The following GK2 variants were observed in gnomAD, a reference collection of about 807,000 sequenced individuals.
The protein encoded by GK2 is ATP:glycerol 3-phosphotransferase 2.
GK2 carries 10 observed loss-of-function variants against 9.5 expected under a neutral mutation model. That is an observed-to-expected ratio of 1.05 (90% CI 0.65 to 1.78). The LOEUF (loss-of-function observed/expected upper bound fraction) is 1.78. Ranked by LOEUF, GK2 falls within the 40% of genes most tolerant of loss-of-function variation. The pLI is 0.00. For missense variants in GK2, 643 were observed against 669.0 expected, an observed-to-expected ratio of 0.96 and a Z score of 0.43; for synonymous variants, 228 against 229.9, an observed-to-expected ratio of 0.99 and a Z score of 0.07.
In GK2 at chr4:79,406,725, C is replaced by T. The variant is rs746526407; in HGVS notation, c.1476G>A (p.Gln492=). ...LRMERFEPQI[Q]ATESEIRYAT... Reference sequence around the variant, plus strand: ...CATAACGAATTTCACTTTCTGTGGCCTGGATCTGTGGTTCAAATCGTTCCA... The same window carrying T: ...CATAACGAATTTCACTTTCTGTGGCTTGGATCTGTGGTTCAAATCGTTCCA... The change falls in exon 1 of 1, where the codon CAG becomes CAA. Residue 492 remains glutamine, a synonymous_variant. Transcript: ENST00000358842. 7.4e-6 allele frequency: 12 copies of T among 1,614,078 alleles called. No homozygotes were observed. Among genetic ancestry groups the T allele is most frequent in the Non-Finnish European group, 1.0e-5 (12 of 1,180,050 alleles).
Position 79,406,913 on chromosome 4 carries a change from T to TG in GK2, c.1287dup (p.Asn430GlnfsTer24). The TG allele has an allele frequency of 6.2e-7, 1 of 1,614,252 alleles. No individual in the cohort carries two copies. The highest frequency in any genetic ancestry group is 8.5e-7 in the Non-Finnish European group (1 of 1,180,036). On this transcript the variant is annotated frameshift_variant, in exon 1 of 1. Transcript: ENST00000358842. LOFTEE classifies it low-confidence loss of function (END_TRUNC). ...TGTAGCTGCATAAGAACTTTGTTGT[T>TG]GGTCATTCCTCCATCTACCTGCAAA... is the stretch of plus-strand genomic sequence containing the variant.
chr4:79,407,712 G>T lies in GK2; in HGVS notation c.489C>A (p.Asn163Lys). The T allele has an allele frequency of 6.2e-7, 1 of 1,614,162 alleles. No homozygotes were observed. Among genetic ancestry groups the T allele is most frequent in the Non-Finnish European group, 8.5e-7 (1 of 1,180,002 alleles). The change falls in exon 1 of 1, where the codon AAC (asparagine) becomes AAA (lysine). Residue 163 changes from asparagine to lysine, a missense_variant. Physicochemically the swap from Asn to Lys is moderately conservative, Grantham distance 94. Coordinates refer to ENST00000358842, the MANE Select transcript of GK2 (RefSeq NM_033214.3). ...TACCTTCTTCAACAGCCTTTTGGAC[G>T]TTTCTCACATTGTCAAGCATCCAAC... is the stretch of plus-strand genomic sequence containing the variant. ...KLRWMLDNVR[N>K]VQKAVEEGRA...
Position 79,407,307 on chromosome 4 carries a change from A to G in GK2, c.894T>C (p.His298=). The change falls in exon 1 of 1, where the codon CAT becomes CAC. Residue 298 remains histidine (H), a synonymous_variant. Coordinates refer to ENST00000358842, the MANE Select transcript of GK2 (RefSeq NM_033214.3). ...NTGRKCVFSE[H]GLLTTVAYKL... ...TGTAAGCTACTGTGGTCAAAAGGCC[A>G]TGTTCAGAAAACACACATTTACGAC... The G allele has an allele frequency of 6.2e-7, 1 of 1,614,236 alleles. No individual in the cohort carries two copies. Among genetic ancestry groups the G allele is most frequent in the Non-Finnish European group, 8.5e-7 (1 of 1,180,046 alleles).
rs778084800 is a variant in GK2 at position 79,408,131 on chromosome 4, G to A, written c.70C>T (p.Arg24Cys). ...GTTTTTGAATTGAAAACCAGAAAGC[G>A]AGTGGAGTTGGTGCCCTGGACCACC... The part of the protein sequence containing the change: ...GAVVQGTNST[R>C]FLVFNSKTAE... The change falls in exon 1 of 1, where the codon CGC becomes TGC. Residue 24 changes from arginine to cysteine, a missense_variant. Physicochemically the swap from Arg to Cys is radical, Grantham distance 180. Coordinates refer to ENST00000358842, the MANE Select transcript of GK2 (RefSeq NM_033214.3). The A allele has an allele frequency of 6.2e-7, 1 of 1,613,720 alleles. No homozygotes were observed. Among genetic ancestry groups the A allele is most frequent in the Non-Finnish European group, 8.5e-7 (1 of 1,179,766 alleles).
At position 79,407,604 on chromosome 4, in the gene GK2, T is replaced by A. The variant is rs1182898664; in HGVS notation, c.597A>T (p.Val199=). ...GVNGGVHCTD[V]TNASRTMLFN... is the part of the protein sequence containing the mutation. ...AAAGCATTGTCCTACTTGCATTTGT[T>A]ACATCTGTACAATGCACGCCTCCAT... Residue 199 remains valine, a synonymous_variant, in exon 1 of 1, where the codon GTA becomes GTT. Coordinates refer to ENST00000358842, the MANE Select transcript of GK2 (RefSeq NM_033214.3). 6.2e-7 allele frequency: 1 copy of A among 1,613,778 alleles called. No individual in the cohort carries two copies. The highest frequency in any genetic ancestry group is 1.7e-5 in the Admixed American group (1 of 60,030).
rs200048190 is a variant in GK2 at position 79,407,487 on chromosome 4, C to T, written c.714G>A (p.Glu238=). ...DLLPNVFSSS[E]IYGLIKTGAL... The stretch of plus-strand genomic sequence containing the variant: ...CTCCAGTTTTAATTAGGCCATAGAT[C>T]TCAGAAGAACTGAAGACATTTGGAA... Residue 238 remains glutamate, a synonymous_variant, in exon 1 of 1, where the codon GAG becomes GAA. Transcript: ENST00000358842. 26 of 1,614,142 alleles carry T rather than the reference C, an allele frequency of 1.6e-5. No homozygotes were observed. In the Middle Eastern group the frequency reaches 6.6e-4, roughly 41 times the overall value.
chr4:79,408,152 C>G lies in GK2; in HGVS notation c.49G>C (p.Val17Leu), dbSNP rs889496823. ...AAGCGAGTGGAGTTGGTGCCCTGGACCACCGCTCCCACCAACGGCCCCACA... is the reference window on the plus strand; with the variant it reads ...AAGCGAGTGGAGTTGGTGCCCTGGAGCACCGCTCCCACCAACGGCCCCACA... ...AAVGPLVGAV[V>L]QGTNSTRFLV... Residue 17 changes from valine (V) to leucine (L), a missense_variant, in exon 1 of 1, where the codon GTC becomes CTC. By Grantham distance (32) the Val-to-Leu change is conservative. Transcript: ENST00000358842. The G allele has an allele frequency of 3.1e-6, 5 of 1,610,470 alleles. No individual in the cohort carries two copies. The highest frequency in any genetic ancestry group is 4.2e-6 in the Non-Finnish European group (5 of 1,178,098).
chr4:79,407,140 G>A lies in GK2; in HGVS notation c.1061C>T (p.Thr354Ile), dbSNP rs1362544858. ...DIERLAKEVG[T>I]SYGCYFVPAF... ...TGGGACAAAGTAACAGCCATAAGAA[G>A]TTCCTACTTCTTTAGCAAGTCTTTC... is the stretch of plus-strand genomic sequence containing the variant. Residue 354 changes from threonine to isoleucine, a missense_variant, in exon 1 of 1, where the codon ACT becomes ATT. Thr to Ile is a moderately conservative substitution (Grantham distance 89). Coordinates refer to ENST00000358842, the MANE Select transcript of GK2 (RefSeq NM_033214.3). The A allele has an allele frequency of 6.2e-7, 1 of 1,614,138 alleles. No individual in the cohort carries two copies.
At position 79,406,450 on chromosome 4, in the gene GK2, A is replaced by G. The variant is rs1342582088; in HGVS notation, c.*89T>C. The G allele has an allele frequency of 6.4e-6, 5 of 782,386 alleles. No homozygotes were observed. The highest frequency in any genetic ancestry group is 1.0e-5 in the Non-Finnish European group (5 of 477,096). The allele number at this position is 782,386 out of a possible 1,614,324, so 48.5% of individuals were successfully genotyped here. ...TGGTTTATAAACAAAATCAGAGTCT[A>G]TAATAGTGTCATTATATTAAGAGGC... On this transcript the variant is annotated 3_prime_UTR_variant, in exon 1 of 1. Coordinates refer to ENST00000358842, the MANE Select transcript of GK2 (RefSeq NM_033214.3).
chr4:79,407,474 T>C lies in GK2; in HGVS notation c.727A>G (p.Ile243Val). The change falls in exon 1 of 1, where the codon ATT becomes GTT. Residue 243 changes from isoleucine (I) to valine (V), a missense_variant. Coordinates refer to ENST00000358842, the MANE Select transcript of GK2 (RefSeq NM_033214.3). ...ACACCTTCCAGGGCTCCAGTTTTAATTAGGCCATAGATCTCAGAAGAACTG... is the reference window on the plus strand; with the variant it reads ...ACACCTTCCAGGGCTCCAGTTTTAACTAGGCCATAGATCTCAGAAGAACTG... ...VFSSSEIYGLIKTGALEGVPI... is the reference protein window; with the variant it reads ...VFSSSEIYGLVKTGALEGVPI... 4 of 1,614,176 alleles carry C rather than the reference T, an allele frequency of 2.5e-6. No individual in the cohort carries two copies. The highest frequency in any genetic ancestry group is 3.4e-6 in the Non-Finnish European group (4 of 1,180,022).
rs776927882 is a variant in GK2 at position 79,408,071 on chromosome 4, T to C, written c.130A>G (p.Thr44Ala). Residue 44 changes from threonine (T) to alanine (A), a missense_variant, in exon 1 of 1, where the codon ACA (threonine) becomes GCA (alanine). By Grantham distance (58) the Thr-to-Ala change is moderately conservative. Transcript: ENST00000358842. ...CATCCTTCTTTTGGGAACTCTTGTG[T>C]TAATTCCACTTTGTGATGACTAAGT... ...ELLSHHKVEL[T>A]QEFPKEGWVE... The C allele has an allele frequency of 6.2e-6, 10 of 1,614,120 alleles. No individual in the cohort carries two copies. In the South Asian group the frequency reaches 1.1e-4, roughly 18 times the overall value.
Position 79,407,542 on chromosome 4 carries a change from C to T in GK2, c.659G>A (p.Cys220Tyr), listed in dbSNP as rs1351946397. The part of the protein sequence containing the change: ...IHSLEWDKEL[C>Y]DFFEIPMDLL... ...GTCCATTGGAATTTCAAAAAAGTCA[C>T]AGAGCTCTTTATCCCATTCCAAAGA... The change falls in exon 1 of 1, where the codon TGT (cysteine) becomes TAT (tyrosine). Residue 220 changes from cysteine to tyrosine, a missense_variant. Physicochemically the swap from Cys to Tyr is radical, Grantham distance 194 (BLOSUM62 -2). Coordinates refer to ENST00000358842, the MANE Select transcript of GK2 (RefSeq NM_033214.3). The T allele has an allele frequency of 6.2e-7, 1 of 1,614,058 alleles. No homozygotes were observed. Among genetic ancestry groups the T allele is most frequent in the African/African-American group, 1.3e-5 (1 of 74,918 alleles).
Position 79,406,744 on chromosome 4 carries a change from C to G in GK2, c.1457G>C (p.Arg486Pro), listed in dbSNP as rs774708528. 2 of 1,614,052 alleles carry G rather than the reference C, an allele frequency of 1.2e-6. No homozygotes were observed. The highest frequency in any genetic ancestry group is 2.7e-5 in the African/African-American group (2 of 74,922). ...PQALSVLRME[R>P]FEPQIQATES... ...TGTGGCCTGGATCTGTGGTTCAAAT[C>G]GTTCCATCCTGAGAACTGACAAAGC... Residue 486 changes from arginine to proline, a missense_variant, in exon 1 of 1, where the codon CGA (arginine) becomes CCA (proline). By Grantham distance (103) the Arg-to-Pro change is moderately radical. Transcript: ENST00000358842.
rs1725849462 is a variant in GK2, at chr4:79,406,397, C to T, written c.*142G>A. 3.4e-6 allele frequency: 2 copies of T among 582,396 alleles called. No homozygotes were observed. The highest frequency in any genetic ancestry group is 6.1e-6 in the Non-Finnish European group (2 of 328,110). 36.1% of individuals were successfully genotyped at this position (582,396 alleles called of 1,614,324 possible). ...ATTTTCTTTATTTCAGGTCACAAGT[C>T]TAGGGTTTTCATGGGTCATGTAGCA... On this transcript the variant is annotated 3_prime_UTR_variant, in exon 1 of 1. Coordinates refer to ENST00000358842, the MANE Select transcript of GK2 (RefSeq NM_033214.3).
Position 79,408,081 on chromosome 4 carries a change from T to G in GK2, c.120A>C (p.Lys40Asn), listed in dbSNP as rs372267638. ...SKTAELLSHH[K>N]VELTQEFPKE... ...TTGGGAACTCTTGTGTTAATTCCAC[T>G]TTGTGATGACTAAGTAGTTCCGCTG... Residue 40 changes from lysine to asparagine, a missense_variant, in exon 1 of 1, where the codon AAA becomes AAC. Transcript: ENST00000358842. The G allele has an allele frequency of 1.9e-6, 3 of 1,614,214 alleles. No homozygotes were observed. The highest frequency in any genetic ancestry group is 1.1e-5 in the South Asian group (1 of 91,086).
Position 79,408,126 on chromosome 4 carries a change from A to G in GK2, c.75T>C (p.Phe25=), listed in dbSNP as rs1725896207. Residue 25 remains phenylalanine, a synonymous_variant, in exon 1 of 1, where the codon TTT becomes TTC. Transcript: ENST00000358842. ...CCGCTGTTTTTGAATTGAAAACCAGAAAGCGAGTGGAGTTGGTGCCCTGGA... is the reference window on the plus strand; with the variant it reads ...CCGCTGTTTTTGAATTGAAAACCAGGAAGCGAGTGGAGTTGGTGCCCTGGA... ...AVVQGTNSTR[F]LVFNSKTAEL... is the part of the protein sequence containing the mutation. 1.2e-6 allele frequency: 2 copies of G among 1,614,064 alleles called. No individual in the cohort carries two copies.
chr4:79,407,616 A>C lies in GK2; in HGVS notation c.585T>G (p.His195Gln). ...SLTGGVNGGV[H>Q]CTDVTNASRT... ...TACTTGCATTTGTTACATCTGTACAATGCACGCCTCCATTAACTCCTCCTG... is the reference window on the plus strand; with the variant it reads ...TACTTGCATTTGTTACATCTGTACACTGCACGCCTCCATTAACTCCTCCTG... Residue 195 changes from histidine to glutamine, a missense_variant, in exon 1 of 1, where the codon CAT (histidine) becomes CAG (glutamine). By Grantham distance (24) the His-to-Gln change is conservative. Transcript: ENST00000358842. The C allele has an allele frequency of 1.9e-6, 3 of 1,614,162 alleles. No individual in the cohort carries two copies. The highest frequency in any genetic ancestry group is 2.5e-6 in the Non-Finnish European group (3 of 1,179,988).
In GK2 at chr4:79,407,777, C is replaced by T. The variant is rs1725888519; in HGVS notation, c.424G>A (p.Gly142Ser). Reference protein sequence around the residue: ...GNSNFVKSKTGLPLSTYFSAV... With the variant: ...GNSNFVKSKTSLPLSTYFSAV... The stretch of plus-strand genomic sequence containing the variant: ...CTGAAGTAAGTGCTGAGTGGAAGGC[C>T]TGTCTTAGACTTGACGAAGTTACTA... Residue 142 changes from glycine to serine, a missense_variant, in exon 1 of 1, where the codon GGC becomes AGC. By Grantham distance (56) the Gly-to-Ser change is moderately conservative. Coordinates refer to ENST00000358842, the MANE Select transcript of GK2 (RefSeq NM_033214.3). The T allele has an allele frequency of 6.2e-7, 1 of 1,614,108 alleles. No individual in the cohort carries two copies. The highest frequency in any genetic ancestry group is 8.5e-7 in the Non-Finnish European group (1 of 1,180,032).
At position 79,406,730 on chromosome 4, in the gene GK2, T is replaced by C. The variant is rs1400128295; in HGVS notation, c.1471A>G (p.Ile491Val). The part of the protein sequence containing the change: ...VLRMERFEPQ[I>V]QATESEIRYA... ...CGAATTTCACTTTCTGTGGCCTGGA[T>C]CTGTGGTTCAAATCGTTCCATCCTG... Residue 491 changes from isoleucine (I) to valine (V), a missense_variant, in exon 1 of 1, where the codon ATC (isoleucine) becomes GTC (valine). Transcript: ENST00000358842. 2 of 1,614,180 alleles carry C rather than the reference T, an allele frequency of 1.2e-6. No homozygotes were observed. The highest frequency in any genetic ancestry group is 2.2e-5 in the South Asian group (2 of 91,076).
Sources: gnomAD v4.1 joint callset for allele counts on GRCh38, gnomAD v4.1.1 for gene constraint, MANE v1.5 for transcripts, NCBI Gene and HGNC (gene_info 2026-07-23, HGNC 2026-07-21) for gene names.